Variants in PJA2 observed in about 807,000 individuals in gnomAD.
PJA2 encodes the protein praja ring finger ubiquitin ligase 2.
In PJA2, 25 loss-of-function variants were observed where a neutral mutation model predicts 69.3. The ratio of observed to expected loss-of-function variants is 0.36; its 90% CI spans 0.26 to 0.50. The LOEUF (loss-of-function observed/expected upper bound fraction) is 0.50, where lower values mean the gene tolerates loss of function less well. PJA2 is among the 20% of genes least tolerant of loss of function. The probability of loss-of-function intolerance (pLI) is 0.96; values close to 1 mark genes in which losing one functional copy is unlikely to be tolerated. For missense variants in PJA2, 809 were observed against 830.2 expected, an observed-to-expected ratio of 0.97 and a Z score of 0.31; for synonymous variants, 308 against 277.8, an observed-to-expected ratio of 1.11 and a Z score of -1.08.
At chr5:109,340,639 TCCCCCTCCCCCTCCCCCTCCCCCTCCCC>T (rs1762029922) in intron 9 of PJA2, among the ~76,000 whole-genome samples, 1 of 318 alleles carries the variant, frequency 3.1e-3, no homozygotes, top group Admixed American at 0.023. Flanking sequence ...CCCCTCCCCC[TCCCCCTCCCCCTCCCCCTCCCCCTCCCC>T]CTCCCTCTCC....
intron 1 of PJA2, among the ~76,000 whole-genome samples, chr5:109,398,422 T>C (rs1420138878): frequency 6.6e-6 from 1 of 152,048 alleles, no homozygotes; most frequent in East Asian, 1.9e-4. Context: ...GTGGCACATA[T>C]ACACCATGCA....
intron 1 of PJA2, among the ~76,000 whole-genome samples, chr5:109,386,199 A>C (rs1472674417): frequency 6.6e-6 from 1 of 152,200 alleles, no homozygotes; most frequent in East Asian, 1.9e-4. Context: ...AACCTATAGC[A>C]GAAAAAACAA....
At chr5:109,354,617 T>G (rs1349684165) in intron 7 of PJA2, among the ~76,000 whole-genome samples, 1 of 143,360 alleles carries the variant, frequency 7.0e-6, no homozygotes, top group African/African-American at 2.6e-5. Flanking sequence ...ATCTAATATC[T>G]ATCGATATTA....
At chr5:109,369,386 T>C (rs1471710585) in intron 4 of PJA2, among the ~76,000 whole-genome samples, 1 of 152,178 alleles carries the variant, frequency 6.6e-6, no homozygotes, top group Non-Finnish European at 1.5e-5. Context: ...AATATATCAC[T>C]TTACTTTTTC....
intron 7 of PJA2, among the ~76,000 whole-genome samples, chr5:109,352,583 T>C (rs1435040878): frequency 6.6e-6 from 1 of 152,170 alleles, no homozygotes; most frequent in African/African-American, 2.4e-5. Context: ...ATGTTCTTTC[T>C]GACTTTTTTC....
rs1454127038 is a variant in PJA2 at position 109,334,947 on chromosome 5, A to G, written c.*2284T>C. 1 of 152,654 alleles carries G rather than the reference A, an allele frequency of 6.6e-6. No individual in the cohort carries two copies. The highest frequency in any genetic ancestry group is 2.4e-5 in the African/African-American group (1 of 41,460). 9.5% of individuals were successfully genotyped at this position (152,654 alleles called of 1,614,324 possible). On this transcript the variant is annotated 3_prime_UTR_variant, in exon 10 of 10. Coordinates refer to ENST00000361189, the MANE Select transcript of PJA2 (RefSeq NM_014819.5). ...GAATACCACATAGATCTACCTTTAA[A>G]TATCAGCATTCATATTATAAGAAAT...
At chr5:109,348,376 T>C (rs181762) in intron 7 of PJA2, among the ~76,000 whole-genome samples, 65,956 of 151,990 alleles carry the variant, frequency 0.43, 17,588 homozygotes, top group Non-Finnish European at 0.59. Context: ...TTGTGTGGAT[T>C]GCTAAATGAA....
At chr5:109,359,076 C>T (rs1762469359) in intron 6 of PJA2, among the ~76,000 whole-genome samples, 1 of 152,164 alleles carries the variant, frequency 6.6e-6, no homozygotes, top group African/African-American at 2.4e-5. Context: ...CCCTCCTCTT[C>T]CTCCTCAGCT....
At chr5:109,368,114 A>C (rs1277286806) in intron 5 of PJA2, among the ~76,000 whole-genome samples, 1 of 152,222 alleles carries the variant, frequency 6.6e-6, no homozygotes, top group East Asian at 1.9e-4. Flanking sequence ...AAGAACAAAA[A>C]TGTTTATCAT....
At chr5:109,406,218 T>G (rs1324293794) in intron 1 of PJA2, among the ~76,000 whole-genome samples, 2 of 152,090 alleles carry the variant, frequency 1.3e-5, no homozygotes, top group Non-Finnish European at 2.9e-5. Flanking sequence ...TTTTTTGTAT[T>G]TTTAGTAGAG....
chr5:109,371,188 T>C (rs1762669498), intron 4 of PJA2, among the ~76,000 whole-genome samples: 1 of 152,178 alleles, frequency 6.6e-6, no homozygotes, highest in African/African-American at 2.4e-5. Context: ...ATATCATTAT[T>C]ACTCATGATA....
In PJA2 at chr5:109,344,259, A is replaced by T; in HGVS notation, c.1932T>A (p.Asp644Glu). ...CPICCSEYIK[D>E]DIATELPCHH... ...GACAGGGCAACTCTGTTGCTATATC[A>T]TCCTTAATATACTCACTGCAACAGA... Residue 644 changes from aspartate (D) to glutamate (E), a missense_variant, in exon 9 of 10, where the codon GAT becomes GAA. Coordinates refer to ENST00000361189, the MANE Select transcript of PJA2 (RefSeq NM_014819.5). The T allele has an allele frequency of 6.2e-7, 1 of 1,612,260 alleles. No individual in the cohort carries two copies. The highest frequency in any genetic ancestry group is 8.5e-7 in the Non-Finnish European group (1 of 1,179,090).
Position 109,340,799 on chromosome 5 carries a change from C to T in PJA2, c.2001+3391G>A, listed in dbSNP as rs990178938. 9.9e-4 allele frequency among the ~76,000 whole-genome samples: 104 copies of T among 104,966 alleles called. 3 individuals are homozygous for T. Among genetic ancestry groups the T allele is most frequent in the African/African-American group, 3.0e-3 (94 of 31,774 alleles). 68.9% of individuals were successfully genotyped at this position (104,966 alleles called of 152,430 possible). ...CCCAGTGCCTGCGATTGCAGGCTCG[C>T]GCCGCCACACCTGACTGGTTTTGGT... On this transcript the variant is annotated intron_variant, in intron 9 of 9. Transcript: ENST00000361189.
chr5:109,389,872 T>G (rs990596514), intron 1 of PJA2, among the ~76,000 whole-genome samples: 1 of 151,922 alleles, frequency 6.6e-6, no homozygotes, highest in Admixed American at 6.6e-5. Flanking sequence ...TACTCAGAAG[T>G]GTCTTGCTTA....
rs775125726 is a variant in PJA2, at chr5:109,368,586, TTTC to T, written c.1441_1443del (p.Glu481del). 9 of 1,613,772 alleles carry T rather than the reference TTTC, an allele frequency of 5.6e-6. No homozygotes were observed. The Admixed American group carries it at 1.5e-4, about 27-fold the overall frequency. On this transcript the variant is annotated inframe_deletion, in exon 5 of 10. Coordinates refer to ENST00000361189, the MANE Select transcript of PJA2 (RefSeq NM_014819.5). Reference sequence around the variant, plus strand: ...CCTTCCTGAAGAGATAATTCTTGGTTTTCTTCTTCAGGGCCACTGCTATCACTT... The same window carrying T: ...CCTTCCTGAAGAGATAATTCTTGGTTTTCTTCAGGGCCACTGCTATCACTT...
rs867321286 is a variant in PJA2 at position 109,377,513 on chromosome 5, G to A, written c.1283+691C>T. The stretch of plus-strand genomic sequence containing the variant: ...AGAGCAATCAGAATGCTTATTATAA[G>A]TTTTATGTTCTGTTGAAAATAGCAA... On this transcript the variant is annotated intron_variant, in intron 4 of 9. Transcript: ENST00000361189. Among the ~76,000 whole-genome samples, 3 of 152,120 alleles carry A rather than the reference G, an allele frequency of 2.0e-5. No individual in the cohort carries two copies. In the South Asian group the frequency reaches 6.2e-4, roughly 31 times the overall value.
At chr5:109,342,020 C>T (rs866344182) in intron 9 of PJA2, among the ~76,000 whole-genome samples, 258 of 135,032 alleles carry the variant, frequency 1.9e-3, no homozygotes, top group African/African-American at 6.0e-3. Flanking sequence ...GGCCCCCCGC[C>T]GGGCCAGCCG....
At chr5:109,354,599 ATATCGATATCTAATATC>A (rs1229372855) in intron 7 of PJA2, among the ~76,000 whole-genome samples, 4 of 138,490 alleles carry the variant, frequency 2.9e-5, no homozygotes, top group African/African-American at 1.0e-4. Context: ...TCGATATTAC[ATATCGATATCTAATATC>A]TATCGATATT....
chr5:109,387,757 A>C (rs1010138934), intron 1 of PJA2, among the ~76,000 whole-genome samples: 5 of 152,220 alleles, frequency 3.3e-5, no homozygotes, highest in African/African-American at 1.2e-4. Flanking sequence ...ATCATCTTTA[A>C]AGAATGCAAG....
Sources: gnomAD v4.1 joint callset for allele counts (sites outside exome capture counted in the v4.1 genomes callset) on GRCh38, gnomAD v4.1.1 for gene constraint, MANE v1.5 for transcripts, NCBI Gene and HGNC (gene_info 2026-07-23, HGNC 2026-07-21) for gene names.